The following FARS2 variants were observed in gnomAD, a reference collection of about 807,000 sequenced individuals.
The protein encoded by FARS2 is phenylalanyl-tRNA synthetase 2, mitochondrial, also known as phenylalanine--tRNA ligase, mitochondrial.
Under a neutral mutation model 46.4 loss-of-function variants are expected in FARS2, and 40 were observed. That is an observed-to-expected ratio of 0.86 (90% CI 0.67 to 1.12). The LOEUF (loss-of-function observed/expected upper bound fraction) is 1.12, where lower values mean the gene tolerates loss of function less well. Ranked by LOEUF, FARS2 falls within the 50% of genes most tolerant of loss-of-function variation. FARS2 has a pLI of 0.00. For synonymous variants in FARS2, 234 were observed against 214.9 expected (o/e 1.09, Z -0.78); for missense variants, 513 against 567.9 (o/e 0.90, Z 0.98).
Position 5,545,322 on chromosome 6 carries a change from T to C in FARS2, c.1047T>C (p.Asn349=). 1 of 1,613,622 alleles carries C rather than the reference T, an allele frequency of 6.2e-7. No individual in the cohort carries two copies. Among genetic ancestry groups the C allele is most frequent in the Non-Finnish European group, 8.5e-7 (1 of 1,179,732 alleles). Residue 349 remains asparagine (N), a synonymous_variant, in exon 5 of 7, where the codon AAT becomes AAC. Coordinates refer to ENST00000274680, the MANE Select transcript of FARS2 (RefSeq NM_006567.5). ...FLKQFCVSNI[N]QKVKFQPLSK... ...AGCAGTTCTGTGTATCCAACATTAA[T>C]CAGAAGGTGAAGTTTCAGGTAAGAT...
chr6:5,592,938 C>T (rs1034795060), intron 5 of FARS2, among the ~76,000 whole-genome samples: 4 of 152,192 alleles, frequency 2.6e-5, no homozygotes, highest in African/African-American at 9.7e-5. Flanking sequence ...CCACACAGCG[C>T]CTGGTCACAA....
chr6:5,575,177 C>T (rs1772887776), intron 5 of FARS2, among the ~76,000 whole-genome samples: 1 of 152,136 alleles, frequency 6.6e-6, no homozygotes, highest in Non-Finnish European at 1.5e-5. Flanking sequence ...AACAGTGAAA[C>T]CACCACCATA....
intron 6 of FARS2, among the ~76,000 whole-genome samples, chr6:5,641,618 G>A (rs1250824077): frequency 6.6e-6 from 1 of 152,138 alleles, no homozygotes; most frequent in Non-Finnish European, 1.5e-5. Flanking sequence ...CAGTTCTAAG[G>A]AAAGCACCTA....
chr6:5,435,149 A>G (rs543635757), intron 4 of FARS2, among the ~76,000 whole-genome samples: 1 of 152,352 alleles, frequency 6.6e-6, no homozygotes, highest in South Asian at 2.1e-4. Flanking sequence ...CTAATAAGCT[A>G]TGCTCCCCAA....
At chr6:5,338,886 C>G (rs1771357526) in intron 1 of FARS2, among the ~76,000 whole-genome samples, 1 of 152,102 alleles carries the variant, frequency 6.6e-6, no homozygotes, top group African/African-American at 2.4e-5. Flanking sequence ...TGTACAGTCC[C>G]CAGATTTACT....
intron 6 of FARS2, among the ~76,000 whole-genome samples, chr6:5,666,904 T>C (rs1236754929): frequency 6.6e-6 from 1 of 152,210 alleles, no homozygotes; most frequent in African/African-American, 2.4e-5. Flanking sequence ...AAGAATGCGA[T>C]CATGTCCTTT....
chr6:5,602,372 G>A lies in FARS2; in HGVS notation c.1066-10797G>A, dbSNP rs112979396. ...GAACGATAAAAGGAAACCTCCAGCCGGGTGCAGTGGCTCCACCTGTAATCC... is the reference window on the plus strand; with the variant it reads ...GAACGATAAAAGGAAACCTCCAGCCAGGTGCAGTGGCTCCACCTGTAATCC... On this transcript the variant is annotated intron_variant, in intron 5 of 6. Coordinates refer to ENST00000274680, the MANE Select transcript of FARS2 (RefSeq NM_006567.5). Among the ~76,000 whole-genome samples the A allele has an allele frequency of 2.6e-3, 393 of 152,232 alleles. 1 individual carries two copies. Among genetic ancestry groups the A allele is most frequent in the African/African-American group, 8.8e-3 (365 of 41,536 alleles).
chr6:5,608,974 G>C (rs1282541284), intron 5 of FARS2, among the ~76,000 whole-genome samples: 3 of 151,836 alleles, frequency 2.0e-5, no homozygotes, highest in Non-Finnish European at 2.9e-5. Context: ...AAAAAAATCT[G>C]TATTAAAACC....
At chr6:5,494,714 G>T (rs931859976) in intron 4 of FARS2, among the ~76,000 whole-genome samples, 17 of 151,944 alleles carry the variant, frequency 1.1e-4, no homozygotes, top group African/African-American at 4.1e-4. Context: ...TGTCTCCCTT[G>T]CTGTATTGCC....
At chr6:5,739,634 G>A (rs1255654696) in intron 6 of FARS2, among the ~76,000 whole-genome samples, 2 of 152,154 alleles carry the variant, frequency 1.3e-5, no homozygotes, top group South Asian at 2.1e-4. Context: ...GGCTAGCAGC[G>A]ATCACTTTGC....
At chr6:5,493,231 AAAAG>A (rs1767241612) in intron 4 of FARS2, among the ~76,000 whole-genome samples, 1 of 151,780 alleles carries the variant, frequency 6.6e-6, no homozygotes, top group Non-Finnish European at 1.5e-5. Context: ...AAAAAAAAGA[AAAAG>A]AAAGAAATGA....
chr6:5,351,328 CCAAA>C (rs1757559412), intron 1 of FARS2, among the ~76,000 whole-genome samples: 1 of 152,172 alleles, frequency 6.6e-6, no homozygotes, highest in Non-Finnish European at 1.5e-5. Context: ...AGCCATATGA[CCAAA>C]CAAAGGGACT....
At chr6:5,495,761 A>G (rs570859320) in intron 4 of FARS2, among the ~76,000 whole-genome samples, 1 of 152,376 alleles carries the variant, frequency 6.6e-6, no homozygotes, top group South Asian at 2.1e-4. Flanking sequence ...TCTCAGTTGA[A>G]GTAATCAAAG....
intron 1 of FARS2, among the ~76,000 whole-genome samples, chr6:5,296,317 A>AT (rs1213324382): frequency 6.6e-6 from 1 of 151,206 alleles, no homozygotes. Context: ...AATTTTTTGT[A>AT]TTTTTAGTAG....
chr6:5,546,465 T>C (rs978085789), intron 5 of FARS2, among the ~76,000 whole-genome samples: 10 of 151,738 alleles, frequency 6.6e-5, no homozygotes, highest in Non-Finnish European at 1.3e-4. Flanking sequence ...TTGGCCAGGC[T>C]GGTCTCAAAC....
chr6:5,468,190 A>G (rs987872273), intron 4 of FARS2, among the ~76,000 whole-genome samples: 1 of 152,190 alleles, frequency 6.6e-6, no homozygotes, highest in African/African-American at 2.4e-5. Context: ...TCTTTGTGTC[A>G]GCAACATCAA....
intron 2 of FARS2, among the ~76,000 whole-genome samples, chr6:5,387,345 A>G (rs894458214): frequency 1.3e-5 from 2 of 152,150 alleles, no homozygotes; most frequent in Non-Finnish European, 2.9e-5. Flanking sequence ...TGTTGTTACA[A>G]AGGTAGGAAT....
intron 4 of FARS2, among the ~76,000 whole-genome samples, chr6:5,544,517 C>T (rs1770840129): frequency 6.6e-6 from 1 of 152,168 alleles, no homozygotes. Context: ...TTTACACTGC[C>T]TCAGTTTGTG....
At chr6:5,555,114 T>A (rs1771582167) in intron 5 of FARS2, among the ~76,000 whole-genome samples, 1 of 152,160 alleles carries the variant, frequency 6.6e-6, no homozygotes, top group South Asian at 2.1e-4. Flanking sequence ...GTTCTCGTGA[T>A]AGTGAGTAAG....
Sources: allele counts gnomAD v4.1 joint callset (sites outside exome capture counted in the v4.1 genomes callset), GRCh38; gene constraint gnomAD v4.1.1; transcripts MANE v1.5; gene names NCBI Gene and HGNC (gene_info 2026-07-23, HGNC 2026-07-21).